Variants in RABGAP1L observed in about 807,000 individuals in gnomAD.
The protein encoded by RABGAP1L is rab GTPase-activating protein 1-like.
A neutral mutation model predicts 137.7 loss-of-function variants in RABGAP1L; 63 were observed. That is an observed-to-expected ratio of 0.46 (90% CI 0.37 to 0.56). The LOEUF is 0.56. Among genes scored for constraint, RABGAP1L ranks in the 20% least tolerant of loss-of-function variants. The pLI is 0.00. For missense variants in RABGAP1L, 1,095 were observed against 1,244.0 expected (o/e 0.88, Z 1.80); for synonymous variants, 431 against 433.7 (o/e 0.99, Z 0.08).
intron 19 of RABGAP1L, among the ~76,000 whole-genome samples, chr1:174,863,242 A>AAAAAAAAG (rs968791216): frequency 3.9e-5 from 5 of 129,006 alleles, no homozygotes; most frequent in African/African-American, 8.3e-5. Flanking sequence ...GCAAAAAAAA[A>AAAAAAAAG]AAAAAAGAAA....
At chr1:174,172,868 T>C (rs917349863) in intron 1 of RABGAP1L, among the ~76,000 whole-genome samples, 2 of 152,174 alleles carry the variant, frequency 1.3e-5, no homozygotes, top group African/African-American at 4.8e-5. Flanking sequence ...GTCCTACTTA[T>C]TTATTTTTGC....
chr1:174,854,751 T>TTTTTTTTTTG (rs1649000430), intron 19 of RABGAP1L, among the ~76,000 whole-genome samples: 1 of 101,538 alleles, frequency 9.8e-6, no homozygotes, highest in Non-Finnish European at 2.0e-5. Flanking sequence ...TTTTTTTTTT[T>TTTTTTTTTTG]TTTTTTTTTG....
intron 11 of RABGAP1L, among the ~76,000 whole-genome samples, chr1:174,311,640 C>G (rs1371372923): frequency 6.6e-6 from 1 of 152,238 alleles, no homozygotes; most frequent in Non-Finnish European, 1.5e-5. Flanking sequence ...GAGTTTCACT[C>G]TTGTTGCCCA....
intron 13 of RABGAP1L, among the ~76,000 whole-genome samples, chr1:174,617,805 C>A (rs1016355532): frequency 6.6e-6 from 1 of 152,128 alleles, no homozygotes; most frequent in Non-Finnish European, 1.5e-5. Flanking sequence ...ACGCAGAAGA[C>A]GGGTGATTTC....
chr1:174,417,162 T>C (rs1205054041), intron 13 of RABGAP1L, among the ~76,000 whole-genome samples: 1 of 152,158 alleles, frequency 6.6e-6, no homozygotes, highest in Non-Finnish European at 1.5e-5. Flanking sequence ...GAATTTTAAC[T>C]TATTCTTCTT....
rs748519344 is a variant in RABGAP1L, at chr1:174,448,208, C to G, written c.1710+54063C>G. ...TCACTCCTGCCCACTTGGATTTGGC[C>G]ACTACAGTGTGGTGGATGTCTGCAT... On this transcript the variant is annotated intron_variant, in intron 13 of 25. Transcript: ENST00000681986. The surrounding 1 kb of genome is among the most constrained non-coding windows in gnomAD (Gnocchi z 4.2). The G allele has an allele frequency of 3.7e-6, 6 of 1,614,010 alleles. No homozygotes were observed. The East Asian group carries it at 1.3e-4, about 36-fold the overall frequency.
At chr1:174,693,274 A>C (rs1344426294) in intron 15 of RABGAP1L, among the ~76,000 whole-genome samples, 1 of 152,212 alleles carries the variant, frequency 6.6e-6, no homozygotes, top group Admixed American at 6.5e-5. Context: ...ACTCTTTATC[A>C]TGGTCATATC....
intron 1 of RABGAP1L, among the ~76,000 whole-genome samples, chr1:174,165,059 G>GA (rs1412120724): frequency 3.3e-5 from 5 of 152,156 alleles, no homozygotes; most frequent in Admixed American, 3.3e-4. Flanking sequence ...ATTAAATATG[G>GA]AAACAACAGT....
At chr1:174,501,250 A>G (rs371983979) in intron 13 of RABGAP1L, among the ~76,000 whole-genome samples, 21 of 145,182 alleles carry the variant, frequency 1.4e-4, no homozygotes, top group South Asian at 6.5e-4. Context: ...GTCTCACTCT[A>G]TCGCCCAGGC....
At chr1:174,862,389 A>AT (rs1650404284) in intron 19 of RABGAP1L, among the ~76,000 whole-genome samples, 1 of 152,180 alleles carries the variant, frequency 6.6e-6, no homozygotes, top group Admixed American at 6.5e-5. Context: ...AAAGGGATCT[A>AT]TGGAGATCAT....
At position 174,369,812 on chromosome 1, in the gene RABGAP1L, T is replaced by C. The variant is rs1255796315; in HGVS notation, c.1466-1167T>C. Reference sequence around the variant, plus strand: ...TTTGCCTTCATTTTAATTAACAGAATGATGTTCACTTTTTGCATTAAATGT... The same window carrying C: ...TTTGCCTTCATTTTAATTAACAGAACGATGTTCACTTTTTGCATTAAATGT... On this transcript the variant is annotated intron_variant, in intron 11 of 25. Coordinates refer to ENST00000681986, the MANE Select transcript of RABGAP1L (RefSeq NM_001366446.1). Among the ~76,000 whole-genome samples the C allele has an allele frequency of 2.6e-5, 4 of 152,212 alleles. No individual in the cohort carries two copies. In the East Asian group the frequency reaches 7.7e-4, roughly 29 times the overall value.
rs1290573253 is a variant in RABGAP1L at position 174,878,991 on chromosome 1, T to C, written c.2340+67031T>C. 2.8e-5 allele frequency among the ~76,000 whole-genome samples: 4 copies of C among 142,598 alleles called. 1 individual carries two copies. The highest frequency in any genetic ancestry group is 1.1e-4 in the African/African-American group (4 of 36,918). 93.5% of individuals were successfully genotyped at this position (142,598 alleles called of 152,430 possible). On this transcript the variant is annotated intron_variant, in intron 19 of 25. Coordinates refer to ENST00000681986, the MANE Select transcript of RABGAP1L (RefSeq NM_001366446.1). The stretch of plus-strand genomic sequence containing the variant: ...TCTTGTTGCCCAAGCTGGAGTACAG[T>C]GACACGATTTCAGCTCACTGCAACC...
chr1:174,338,700 A>G (rs1279708495), intron 11 of RABGAP1L, among the ~76,000 whole-genome samples: 1 of 151,984 alleles, frequency 6.6e-6, no homozygotes, highest in East Asian at 1.9e-4. Flanking sequence ...TGCTATAAAT[A>G]TACTCTCATT....
At chr1:174,686,457 C>T (rs1330795202) in intron 15 of RABGAP1L, among the ~76,000 whole-genome samples, 3 of 151,966 alleles carry the variant, frequency 2.0e-5, no homozygotes, top group Non-Finnish European at 4.4e-5. Flanking sequence ...CCCTTGTTCC[C>T]CTTCTAAACC....
In RABGAP1L at chr1:174,991,411, TCTC is replaced by T. The variant is rs1203635927; in HGVS notation, c.*1411_*1413del. ...TTAAACTCTGTAGTGCCAGAATGAT[TCTC>T]ATCTGTGCCATATTTTGCAATTAAA... On this transcript the variant is annotated 3_prime_UTR_variant, in exon 26 of 26. Coordinates refer to ENST00000681986, the MANE Select transcript of RABGAP1L (RefSeq NM_001366446.1). The T allele has an allele frequency of 2.0e-5, 3 of 152,206 alleles. No individual in the cohort carries two copies. The highest frequency in any genetic ancestry group is 4.4e-5 in the Non-Finnish European group (3 of 68,036). The allele number at this position is 152,206 out of a possible 1,614,324, so 9.4% of individuals were successfully genotyped here. A position where few individuals can be genotyped will look rare whatever the true frequency, so the allele number is the denominator to read the frequency against.
At chr1:174,319,968 A>C (rs751060517) in intron 11 of RABGAP1L, among the ~76,000 whole-genome samples, 30 of 152,138 alleles carry the variant, frequency 2.0e-4, no homozygotes, top group Admixed American at 1.7e-3. Context: ...TTAATATATG[A>C]ACCACCAGTT....
intron 18 of RABGAP1L, among the ~76,000 whole-genome samples, chr1:174,763,105 G>A (rs1685364365): frequency 2.0e-5 from 3 of 151,658 alleles, no homozygotes; most frequent in Non-Finnish European, 4.4e-5. Flanking sequence ...ATGAGCCACC[G>A]TGCCTGGCCT....
chr1:174,304,877 C>A (rs1173219802), intron 10 of RABGAP1L, 109 bp from the exon 11 acceptor site: 3 of 1,024,132 alleles, frequency 2.9e-6, no homozygotes, highest in African/African-American at 3.5e-5. Flanking sequence ...AGATCAAACA[C>A]AACACGCCAT....
intron 13 of RABGAP1L, among the ~76,000 whole-genome samples, chr1:174,633,138 C>A (rs1346852491): frequency 6.6e-6 from 1 of 151,364 alleles, no homozygotes; most frequent in South Asian, 2.1e-4. Flanking sequence ...AAAACCCCAT[C>A]GTCTCAGCCC....
Sources: gnomAD v4.1 joint callset for allele counts (sites outside exome capture counted in the v4.1 genomes callset) on GRCh38, gnomAD v4.1.1 for gene constraint, Gnocchi (gnomAD v3.1) non-coding constraint, MANE v1.5 for transcripts, NCBI Gene and HGNC (gene_info 2026-07-23, HGNC 2026-07-21) for gene names.